Variants in AHCYL2 observed in about 807,000 individuals in gnomAD.
AHCYL2 encodes the protein adenosylhomocysteinase like 2.
In AHCYL2, 28 loss-of-function variants were observed where a neutral mutation model predicts 81.4. The ratio of observed to expected loss-of-function variants is 0.34; its 90% CI spans 0.25 to 0.47. The LOEUF (loss-of-function observed/expected upper bound fraction) is 0.47, where lower values mean the gene tolerates loss of function less well. AHCYL2 is among the 20% of genes least tolerant of loss of function. The probability of loss-of-function intolerance (pLI) is 1.00; values close to 1 mark genes in which losing one functional copy is unlikely to be tolerated. For synonymous variants in AHCYL2, 272 were observed against 290.2 expected (o/e 0.94, Z 0.64); for missense variants, 551 against 785.1 (o/e 0.70, Z 3.56).
chr7:129,354,147 G>A (rs1318695784), intron 1 of AHCYL2, among the ~76,000 whole-genome samples: 1 of 152,116 alleles, frequency 6.6e-6, no homozygotes, highest in Non-Finnish European at 1.5e-5. Flanking sequence ...AGAAAGCCAA[G>A]GAGTTTGGCA....
intron 1 of AHCYL2, among the ~76,000 whole-genome samples, chr7:129,335,370 G>A (rs1364235315): frequency 6.9e-6 from 1 of 144,460 alleles, no homozygotes; most frequent in African/African-American, 2.6e-5. Flanking sequence ...GTGAGACCCT[G>A]TCTAAAAAAA....
intron 1 of AHCYL2, among the ~76,000 whole-genome samples, chr7:129,277,157 A>T (rs567916905): frequency 1.3e-5 from 2 of 150,364 alleles, no homozygotes; most frequent in Admixed American, 1.3e-4. Flanking sequence ...TATAATTGAC[A>T]AACAAAAAAC....
intron 13 of AHCYL2, among the ~76,000 whole-genome samples, chr7:129,424,565 T>C (rs1333449197): frequency 6.6e-6 from 1 of 152,250 alleles, no homozygotes; most frequent in Non-Finnish European, 1.5e-5. Flanking sequence ...TATTTTGCTA[T>C]AGAGAGTGGA....
chr7:129,413,914 A>G (rs143469438), intron 12 of AHCYL2, among the ~76,000 whole-genome samples: 51 of 152,356 alleles, frequency 3.3e-4, no homozygotes, highest in Admixed American at 5.9e-4. Flanking sequence ...TTCAAGCTCG[A>G]TGCCTGTTTA....
chr7:129,242,410 T>G (rs1295275546), intron 1 of AHCYL2, among the ~76,000 whole-genome samples: 2 of 151,706 alleles, frequency 1.3e-5, no homozygotes, highest in Non-Finnish European at 2.9e-5. Flanking sequence ...CCAGGATGTA[T>G]CTCTAGAAGC....
chr7:129,367,956 A>G (rs1794187392), intron 1 of AHCYL2, among the ~76,000 whole-genome samples: 1 of 152,198 alleles, frequency 6.6e-6, no homozygotes, highest in African/African-American at 2.4e-5. Context: ...TGAAAGCCCT[A>G]GGAGCTCTTG....
chr7:129,397,095 C>T, intron 4 of AHCYL2, 127 bp from the exon 5 acceptor site: 1 of 741,620 alleles, frequency 1.3e-6, no homozygotes, highest in South Asian at 2.1e-5. Flanking sequence ...TCTGTAGAGC[C>T]CAATTTGAAA....
intron 1 of AHCYL2, among the ~76,000 whole-genome samples, chr7:129,257,279 G>C (rs1795462369): frequency 6.6e-6 from 1 of 152,194 alleles, no homozygotes; most frequent in African/African-American, 2.4e-5. Context: ...AACATTTGCT[G>C]TTTGATTTTG....
At chr7:129,333,078 A>G (rs1798476621) in intron 1 of AHCYL2, among the ~76,000 whole-genome samples, 1 of 152,214 alleles carries the variant, frequency 6.6e-6, no homozygotes, top group African/African-American at 2.4e-5. Context: ...GCTATATTTC[A>G]GAACTGGAAA....
chr7:129,236,223 G>A (rs1028136253), intron 1 of AHCYL2, among the ~76,000 whole-genome samples: 5 of 149,846 alleles, frequency 3.3e-5, no homozygotes, highest in African/African-American at 7.4e-5. Context: ...TTTTTTTTGA[G>A]ACAGTCTTGC....
chr7:129,261,689 A>C (rs931881605), intron 1 of AHCYL2, among the ~76,000 whole-genome samples: 1 of 152,150 alleles, frequency 6.6e-6, no homozygotes, highest in Non-Finnish European at 1.5e-5. Flanking sequence ...TCAATAATCT[A>C]GTCTCTTTTT....
At chr7:129,235,998 T>G (rs1177368198) in intron 1 of AHCYL2, among the ~76,000 whole-genome samples, 1 of 151,820 alleles carries the variant, frequency 6.6e-6, no homozygotes, top group African/African-American at 2.4e-5. Flanking sequence ...TCTAAAATTT[T>G]AATTTTGGGA....
intron 10 of AHCYL2, among the ~76,000 whole-genome samples, chr7:129,408,499 TATAGAAGAAGAA>T (rs1307559879): frequency 2.0e-5 from 3 of 152,144 alleles, no homozygotes; most frequent in Admixed American, 6.5e-5. Flanking sequence ...AGATAGAAAA[TATAGAAGAAGAA>T]ATAGATGAGA....
At chr7:129,238,933 C>G (rs1404956128) in intron 1 of AHCYL2, among the ~76,000 whole-genome samples, 1 of 152,200 alleles carries the variant, frequency 6.6e-6, no homozygotes, top group Non-Finnish European at 1.5e-5. Flanking sequence ...GCCTGAGCAA[C>G]AGAGCAAAAC....
Position 129,403,477 on chromosome 7 carries a change from A to G in AHCYL2, c.1017A>G (p.Gly339=). ...GCATAGTAGAGGAGAGTGTTACTGG[A>G]GTTCACAGGTAAGATTTGACATGGG... The part of the protein sequence containing the change: ...IKGIVEESVT[G]VHRLYQLSKA... Residue 339 remains glycine, a synonymous_variant, in exon 7 of 17, where the codon GGA becomes GGG. Transcript: ENST00000325006. 6.2e-7 allele frequency: 1 copy of G among 1,602,888 alleles called. No homozygotes were observed. Among genetic ancestry groups the G allele is most frequent in the Non-Finnish European group, 8.5e-7 (1 of 1,174,250 alleles).
At chr7:129,424,809 C>T (rs1797282703) in intron 13 of AHCYL2, 65 bp from the exon 14 acceptor site, 5 of 1,561,964 alleles carry the variant, frequency 3.2e-6, no homozygotes, top group Non-Finnish European at 4.4e-6. Flanking sequence ...TGCTTCTCTT[C>T]CCTCACTTCT....
chr7:129,251,887 A>G (rs1795261504), intron 1 of AHCYL2, among the ~76,000 whole-genome samples: 1 of 152,146 alleles, frequency 6.6e-6, no homozygotes, highest in South Asian at 2.1e-4. Context: ...ATAGTGGCTT[A>G]TACATTTTAT....
At chr7:129,376,359 T>C (rs1471685434) in intron 1 of AHCYL2, among the ~76,000 whole-genome samples, 3 of 152,242 alleles carry the variant, frequency 2.0e-5, no homozygotes, top group Admixed American at 6.5e-5. Flanking sequence ...GCATAACTTA[T>C]ATTTAAGTGG....
rs1042736545 is a variant in AHCYL2, at chr7:129,368,200, C to T, written c.364-11438C>T. 3 of 1,230,812 alleles carry T rather than the reference C, an allele frequency of 2.4e-6. No individual in the cohort carries two copies. The highest frequency in any genetic ancestry group is 1.5e-5 in the African/African-American group (1 of 65,126). The allele number at this position is 1,230,812 out of a possible 1,614,324, so 76.2% of individuals were successfully genotyped here. ...GTAGAGTGTTTGGGTAGCATTAAAA[C>T]AGTGAGTGCCCTGTGAGAAGCACAG... On this transcript the variant is annotated intron_variant, in intron 1 of 16. Transcript: ENST00000325006. The surrounding 1 kb of genome is among the most constrained non-coding windows in gnomAD (Gnocchi z 4.4).
Sources: gnomAD v4.1 joint callset for allele counts (sites outside exome capture counted in the v4.1 genomes callset) on GRCh38, gnomAD v4.1.1 for gene constraint, Gnocchi (gnomAD v3.1) non-coding constraint, MANE v1.5 for transcripts, NCBI Gene and HGNC (gene_info 2026-07-23, HGNC 2026-07-21) for gene names.